MYH14: variants seen among roughly 807,000 people sequenced by gnomAD.
MYH14 encodes the protein myosin heavy chain 14, also known as myosin-14.
A neutral mutation model predicts 255.5 loss-of-function variants in MYH14; 123 were observed. That is an observed-to-expected ratio of 0.48 (90% CI 0.42 to 0.56). MYH14 has a LOEUF of 0.56. Ranked by LOEUF, MYH14 falls within the 20% of genes least tolerant of loss-of-function variation. The pLI is 0.00. For synonymous variants in MYH14, 1,095 were observed against 1,161.2 expected (o/e 0.94, Z 1.16); for missense variants, 2,423 against 2,802.3 (o/e 0.86, Z 3.06).
rs2033298965 is a variant in MYH14, at chr19:50,230,062, C to T, written c.875-463C>T. Among the ~76,000 whole-genome samples, 2 of 152,222 alleles carry T rather than the reference C, an allele frequency of 1.3e-5. No individual in the cohort carries two copies. The highest frequency in any genetic ancestry group is 1.3e-4 in the Admixed American group (2 of 15,286). ...CCCAAGCAGCTGAGATTACAGGCAC[C>T]CGCGATCACACCTATAATTTTTGTA... On this transcript the variant is annotated intron_variant, in intron 8 of 42. Coordinates refer to ENST00000642316, the MANE Select transcript of MYH14 (RefSeq NM_001145809.2). This position sits in a 1 kb window ranked among gnomAD's most constrained non-coding sequence, Gnocchi z 4.7.
chr19:50,271,700 G>A (rs1324609098), intron 25 of MYH14, 149 bp from the exon 26 acceptor site: 4 of 1,446,396 alleles, frequency 2.8e-6, no homozygotes, highest in African/African-American at 1.4e-5. Context: ...GGAATGGGAA[G>A]GAGAGGGAGG....
intron 10 of MYH14, among the ~76,000 whole-genome samples, chr19:50,241,934 TACC>T (rs923852112): frequency 1.5e-4 from 23 of 152,212 alleles, no homozygotes; most frequent in Admixed American, 1.4e-3. Context: ...CGTGAGCCCG[TACC>T]ACCACCACCA....
chr19:50,216,031 C>T (rs145552426), intron 2 of MYH14, among the ~76,000 whole-genome samples: 148 of 152,312 alleles, frequency 9.7e-4, no homozygotes, highest in African/African-American at 3.5e-3. Flanking sequence ...GTTTAGCTAG[C>T]TAACTTTAGA....
chr19:50,242,937 A>G (rs1600921557), intron 10 of MYH14, among the ~76,000 whole-genome samples: 3 of 152,088 alleles, frequency 2.0e-5, no homozygotes, highest in Admixed American at 2.0e-4. Flanking sequence ...GCACTGTCTC[A>G]AATGTCCCCT....
chr19:50,264,066 A>AAAG (rs1221863702), intron 22 of MYH14, among the ~76,000 whole-genome samples: 1 of 87,138 alleles, frequency 1.1e-5, no homozygotes, highest in Non-Finnish European at 2.3e-5. Flanking sequence ...AAAAAAAAAA[A>AAAG]AAAAAAAAAA....
chr19:50,220,456 C>G (rs1334556082), intron 3 of MYH14, among the ~76,000 whole-genome samples: 1 of 147,780 alleles, frequency 6.8e-6, no homozygotes, highest in Admixed American at 6.8e-5. Flanking sequence ...TAAATTATAC[C>G]TATTAATATG....
intron 1 of MYH14, among the ~76,000 whole-genome samples, chr19:50,207,223 T>C (rs920177122): frequency 1.5e-5 from 2 of 132,594 alleles, no homozygotes; most frequent in African/African-American, 5.8e-5. Context: ...GAGCGAGACC[T>C]ATCTCTAAGA....
Position 50,252,510 on chromosome 19 carries a change from C to A in MYH14, c.1831-129C>A. ...AGTTCAGAATATGGACACAAGGTGG[C>A]ACCAGTGCTCGCTTGTCCATGGTGA... On this transcript the variant is annotated intron_variant, in intron 15 of 42. Transcript: ENST00000642316. The surrounding 1 kb of genome is among the most constrained non-coding windows in gnomAD (Gnocchi z 4.2). 1 of 698,012 alleles carries A rather than the reference C, an allele frequency of 1.4e-6. No homozygotes were observed. The highest frequency in any genetic ancestry group is 2.6e-6 in the Non-Finnish European group (1 of 385,234). 43.2% of individuals were successfully genotyped at this position (698,012 alleles called of 1,614,324 possible).
In MYH14 at chr19:50,217,788, G is replaced by T; in HGVS notation, c.562+17G>T. On this transcript the variant is annotated intron_variant, in intron 3 of 42. Coordinates refer to ENST00000642316, the MANE Select transcript of MYH14 (RefSeq NM_001145809.2). ...TGCTGCAGGGTGAGTGCTGGGTGGG[G>T]CTGTAGGCCAGCGAGGCGGCTCTTC... 6.2e-7 allele frequency: 1 copy of T among 1,609,252 alleles called. No homozygotes were observed. The highest frequency in any genetic ancestry group is 8.5e-7 in the Non-Finnish European group (1 of 1,177,234).
chr19:50,263,503 A>G (rs930985416), intron 22 of MYH14, 83 bp downstream of exon 22: 11 of 928,898 alleles, frequency 1.2e-5, no homozygotes, highest in African/African-American at 1.2e-4. Flanking sequence ...GACTTCCTCC[A>G]TGTGGGCCTC....
At chr19:50,273,463 G>A (rs749736850) in intron 27 of MYH14, among the ~76,000 whole-genome samples, 23 of 152,094 alleles carry the variant, frequency 1.5e-4, no homozygotes, top group Non-Finnish European at 2.2e-4. Context: ...TATGCCAAAT[G>A]TGGTGCTTAG....
intron 33 of MYH14, 83 bp from the exon 34 acceptor site, chr19:50,286,399 C>T: frequency 7.7e-7 from 1 of 1,296,658 alleles, no homozygotes; most frequent in South Asian, 1.5e-5. Context: ...TTCTCTGTTC[C>T]TGGCTGCTCC....
At chr19:50,264,087 TAAAA>T (rs34326325) in intron 22 of MYH14, among the ~76,000 whole-genome samples, 1 of 108,716 alleles carries the variant, frequency 9.2e-6, no homozygotes, top group Non-Finnish European at 1.9e-5. Flanking sequence ...GAGCAAAGGT[TAAAA>T]AAAAAAAAAA....
chr19:50,300,042 C>G (rs1195877202), intron 39 of MYH14, among the ~76,000 whole-genome samples: 2 of 152,108 alleles, frequency 1.3e-5, no homozygotes, highest in Non-Finnish European at 2.9e-5. Flanking sequence ...AGGGATGCAT[C>G]TGTGTGTAAT....
rs774727447 is a variant in MYH14 at position 50,266,345 on chromosome 19, G to A, written c.2695-532G>A. ...GGAGGCTGAGGTGGGTGGATTACTT[G>A]AGGCCGGGAGTTGGAGACCAGCCTG... On this transcript the variant is annotated intron_variant, in intron 22 of 42. Transcript: ENST00000642316. This position sits in a 1 kb window ranked among gnomAD's most constrained non-coding sequence, Gnocchi z 4.1. Among the ~76,000 whole-genome samples, 3 of 152,188 alleles carry A rather than the reference G, an allele frequency of 2.0e-5. No homozygotes were observed. Among genetic ancestry groups the A allele is most frequent in the Non-Finnish European group, 4.4e-5 (3 of 68,036 alleles).
intron 21 of MYH14, 116 bp downstream of exon 21, chr19:50,261,751 G>A (rs1263517881): frequency 2.1e-6 from 2 of 972,618 alleles, no homozygotes; most frequent in Non-Finnish European, 2.8e-6. Flanking sequence ...TGAGGAGCAG[G>A]TGGATGGAGG....
chr19:50,289,299 GATGA>G (rs1260602406), intron 34 of MYH14, 133 bp from the exon 35 acceptor site: 1 of 705,898 alleles, frequency 1.4e-6, no homozygotes, highest in Non-Finnish European at 2.5e-6. Context: ...ATTTTGAATG[GATGA>G]ATGAACAAAC....
chr19:50,257,110 T>G (rs2034618812), intron 17 of MYH14, among the ~76,000 whole-genome samples, 189 bp from the exon 18 acceptor site: 2 of 152,226 alleles, frequency 1.3e-5, no homozygotes, highest in African/African-American at 2.4e-5. Flanking sequence ...TTAAGCACAT[T>G]CTCCCACTCT....
At chr19:50,223,218 C>T (rs925281010) in intron 4 of MYH14, 29 bp from the exon 5 acceptor site, 4 of 1,610,474 alleles carry the variant, frequency 2.5e-6, no homozygotes, top group African/African-American at 2.7e-5. Context: ...CATTGCCAAC[C>T]CCTTTGCTTC....
Sources: gnomAD v4.1 joint callset for allele counts (sites outside exome capture counted in the v4.1 genomes callset) on GRCh38, gnomAD v4.1.1 for gene constraint, Gnocchi (gnomAD v3.1) non-coding constraint, MANE v1.5 for transcripts, NCBI Gene and HGNC (gene_info 2026-07-23, HGNC 2026-07-21) for gene names.